The following ARHGAP24 variants were observed in gnomAD, a reference collection of about 807,000 sequenced individuals.
ARHGAP24 encodes rho GTPase-activating protein 24.
A neutral mutation model predicts 76.4 loss-of-function variants in ARHGAP24; 50 were observed. That is an observed-to-expected ratio of 0.65 (90% CI 0.52 to 0.83). The LOEUF (loss-of-function observed/expected upper bound fraction) is 0.83, where lower values mean the gene tolerates loss of function less well. Ranked by LOEUF, ARHGAP24 falls within the 40% of genes least tolerant of loss-of-function variation. ARHGAP24 has a pLI of 0.00. For synonymous variants in ARHGAP24, 345 were observed against 323.3 expected, an observed-to-expected ratio of 1.07 and a Z score of -0.72; for missense variants, 930 against 914.2, an observed-to-expected ratio of 1.02 and a Z score of -0.22.
chr4:85,519,609 C>T (rs1724658103), intron 1 of ARHGAP24, among the ~76,000 whole-genome samples: 1 of 152,062 alleles, frequency 6.6e-6, no homozygotes, highest in Non-Finnish European at 1.5e-5. Flanking sequence ...TTATAAAGTC[C>T]ACTATGTTAA....
rs568225346 is a variant in ARHGAP24, at chr4:85,749,367, C to A, written c.268+27395C>A. 2.0e-5 allele frequency among the ~76,000 whole-genome samples: 3 copies of A among 152,144 alleles called. No homozygotes were observed. In the East Asian group the frequency reaches 5.8e-4, roughly 29 times the overall value. The stretch of plus-strand genomic sequence containing the variant: ...TAGAAGAGTCTCACTCCATTGCGAA[C>A]AAACAAAAATTTTAAAAAGCTAGAC... On this transcript the variant is annotated intron_variant, in intron 3 of 9. Transcript: ENST00000395184.
chr4:85,488,037 C>T (rs966212613), intron 1 of ARHGAP24, among the ~76,000 whole-genome samples: 1 of 150,264 alleles, frequency 6.7e-6, no homozygotes, highest in African/African-American at 2.5e-5. Context: ...TCCTGAGTAG[C>T]TGGGGACTAC....
chr4:85,685,586 T>A (rs2110013685), intron 2 of ARHGAP24, among the ~76,000 whole-genome samples: 1 of 148,402 alleles, frequency 6.7e-6, no homozygotes, highest in South Asian at 2.1e-4. Flanking sequence ...TTAGCCGAGA[T>A]CGTGCCACTT....
intron 3 of ARHGAP24, among the ~76,000 whole-genome samples, chr4:85,768,980 A>G (rs1243288449): frequency 6.6e-6 from 1 of 152,224 alleles, no homozygotes; most frequent in Non-Finnish European, 1.5e-5. Flanking sequence ...GAATGATAAC[A>G]GAGACACTGC....
At chr4:85,751,742 C>A (rs1242859588) in intron 3 of ARHGAP24, among the ~76,000 whole-genome samples, 1 of 152,152 alleles carries the variant, frequency 6.6e-6, no homozygotes, top group African/African-American at 2.4e-5. Context: ...CCTTCCCAAT[C>A]CCTCAAGTTT....
chr4:85,665,815 C>G (rs1458521751), intron 2 of ARHGAP24, among the ~76,000 whole-genome samples: 1 of 152,096 alleles, frequency 6.6e-6, no homozygotes, highest in Non-Finnish European at 1.5e-5. Flanking sequence ...GTTGAAAATT[C>G]TTTTCTTTAA....
chr4:85,982,926 C>T (rs768688891), intron 8 of ARHGAP24, among the ~76,000 whole-genome samples: 8 of 152,116 alleles, frequency 5.3e-5, no homozygotes, highest in African/African-American at 9.7e-5. Context: ...CCCTTCCCCC[C>T]CTTCTCCCAA....
At chr4:85,726,718 G>A (rs1392922329) in intron 3 of ARHGAP24, among the ~76,000 whole-genome samples, 1 of 152,116 alleles carries the variant, frequency 6.6e-6, no homozygotes, top group Non-Finnish European at 1.5e-5. Flanking sequence ...AGCCTTATCA[G>A]TATCTAGACA....
chr4:85,647,168 C>T (rs1027493619), intron 2 of ARHGAP24, among the ~76,000 whole-genome samples: 1 of 151,954 alleles, frequency 6.6e-6, no homozygotes, highest in African/African-American at 2.4e-5. Flanking sequence ...GGTTGGTTTG[C>T]ATGGGAAGAA....
intron 1 of ARHGAP24, among the ~76,000 whole-genome samples, chr4:85,558,456 T>A (rs1167363421): frequency 6.6e-6 from 1 of 152,204 alleles, no homozygotes; most frequent in Non-Finnish European, 1.5e-5. Context: ...CTAAAATATG[T>A]TCAAATTATA....
chr4:85,644,834 A>G (rs113102085), intron 2 of ARHGAP24, among the ~76,000 whole-genome samples: 1 of 152,100 alleles, frequency 6.6e-6, no homozygotes, highest in African/African-American at 2.4e-5. Flanking sequence ...TGACAATTAT[A>G]TATAGATGTT....
chr4:85,820,126 A>C (rs1032282026), intron 3 of ARHGAP24, among the ~76,000 whole-genome samples: 1 of 152,248 alleles, frequency 6.6e-6, no homozygotes, highest in Admixed American at 6.5e-5. Context: ...TGGCAATTCC[A>C]TTATTAGGTA....
Position 85,868,016 on chromosome 4 carries a change from G to A in ARHGAP24, c.269-55632G>A, listed in dbSNP as rs1221747420. The stretch of plus-strand genomic sequence containing the variant: ...GATCATGACCTGTGACACAGCCTCA[G>A]GAAGTCCTAAGAACATGTGCTCAAA... On this transcript the variant is annotated intron_variant, in intron 3 of 9. Transcript: ENST00000395184. Among the ~76,000 whole-genome samples, 3 of 151,456 alleles carry A rather than the reference G, an allele frequency of 2.0e-5. No individual in the cohort carries two copies. In the East Asian group the frequency reaches 5.8e-4, roughly 29 times the overall value.
At chr4:85,807,739 G>T (rs966212668) in intron 3 of ARHGAP24, among the ~76,000 whole-genome samples, 1 of 152,134 alleles carries the variant, frequency 6.6e-6, no homozygotes, top group South Asian at 2.1e-4. Context: ...GCCCAGAGGC[G>T]CAGGGGCTGA....
At chr4:85,714,978 G>A (rs1229829512) in intron 2 of ARHGAP24, among the ~76,000 whole-genome samples, 5 of 152,216 alleles carry the variant, frequency 3.3e-5, no homozygotes, top group Non-Finnish European at 7.4e-5. Context: ...ACACAAATAT[G>A]TATTAAGAAT....
At chr4:85,525,495 A>G (rs574751793) in intron 1 of ARHGAP24, among the ~76,000 whole-genome samples, 92 of 152,200 alleles carry the variant, frequency 6.0e-4, no homozygotes, top group African/African-American at 2.0e-3. Flanking sequence ...AAAAAAAAAA[A>G]GTAAGCATGG....
intron 2 of ARHGAP24, among the ~76,000 whole-genome samples, chr4:85,660,520 G>A (rs1038446622): frequency 3.3e-5 from 5 of 151,950 alleles, no homozygotes; most frequent in African/African-American, 1.2e-4. Context: ...AAATCTGGCC[G>A]AGCACTGTGG....
At chr4:85,689,386 T>A (rs971029478) in intron 2 of ARHGAP24, among the ~76,000 whole-genome samples, 10 of 152,106 alleles carry the variant, frequency 6.6e-5, no homozygotes, top group African/African-American at 1.2e-4. Context: ...TGATTTTTTT[T>A]AAATTTTTAA....
At chr4:85,546,158 C>A (rs1725912954) in intron 1 of ARHGAP24, among the ~76,000 whole-genome samples, 1 of 152,046 alleles carries the variant, frequency 6.6e-6, no homozygotes, top group Non-Finnish European at 1.5e-5. Flanking sequence ...TATGCATAAG[C>A]ATATACACAC....
Sources: gnomAD v4.1 joint callset for allele counts (sites outside exome capture counted in the v4.1 genomes callset) on GRCh38, gnomAD v4.1.1 for gene constraint, MANE v1.5 for transcripts, NCBI Gene and HGNC (gene_info 2026-07-23, HGNC 2026-07-21) for gene names.